SPMAP2L: variants seen among roughly 807,000 people sequenced by gnomAD.
The protein encoded by SPMAP2L is sperm microtubule associated protein 2 like, also known as sperm microtubule associated protein 2-like.
At chr4:56,617,889 C>T in the SPMAP2L span, among the ~76,000 whole-genome samples, 3 of 152,130 alleles carry the variant, frequency 2.0e-5, no homozygotes, top group East Asian at 1.9e-4. Context: ...CTGACTGCTC[C>T]GTCCAAATTC....
chr4:56,568,779 A>G, the SPMAP2L span, among the ~76,000 whole-genome samples: 2 of 152,232 alleles, frequency 1.3e-5, no homozygotes, highest in Non-Finnish European at 2.9e-5. Context: ...CTTCCCTAAA[A>G]GAAACATTAA....
chr4:56,579,494 G>T, the SPMAP2L span, among the ~76,000 whole-genome samples: 2 of 152,010 alleles, frequency 1.3e-5, no homozygotes, highest in Non-Finnish European at 2.9e-5. Context: ...AAAGGGCAGG[G>T]CATGGTGGTT....
the SPMAP2L span, among the ~76,000 whole-genome samples, chr4:56,551,693 C>A: frequency 6.6e-6 from 1 of 152,144 alleles, no homozygotes; most frequent in South Asian, 2.1e-4. Context: ...TAATATGAGT[C>A]ACCACAACAT....
At chr4:56,601,918 G>A in the SPMAP2L span, among the ~76,000 whole-genome samples, 1 of 152,114 alleles carries the variant, frequency 6.6e-6, no homozygotes. Flanking sequence ...AAAGACATGG[G>A]CCATATATTT....
chr4:56,553,430 T>C, the SPMAP2L span, among the ~76,000 whole-genome samples: 1 of 151,642 alleles, frequency 6.6e-6, no homozygotes, highest in East Asian at 1.9e-4. Flanking sequence ...TGTGCTTAAG[T>C]GATCCTCCCA....
At chr4:56,560,162 C>A in the SPMAP2L span, among the ~76,000 whole-genome samples, 18 of 152,072 alleles carry the variant, frequency 1.2e-4, no homozygotes, top group Admixed American at 1.2e-3. Context: ...TCTACAGAAG[C>A]CATTATTTTT....
the SPMAP2L span, chr4:56,530,642 G>C: frequency 6.6e-7 from 1 of 1,522,844 alleles, no homozygotes; most frequent in Non-Finnish European, 8.8e-7. Flanking sequence ...AGTCGGGAGG[G>C]TGAGTCCCGC....
chr4:56,547,843 CA>C, the SPMAP2L span, among the ~76,000 whole-genome samples: 3 of 151,984 alleles, frequency 2.0e-5, no homozygotes, highest in South Asian at 4.1e-4. Flanking sequence ...AACAAAAAAA[CA>C]AAAAAACCCA....
chr4:56,589,736 G>T, the SPMAP2L span, among the ~76,000 whole-genome samples: 1 of 147,830 alleles, frequency 6.8e-6, no homozygotes, highest in Non-Finnish European at 1.5e-5. Flanking sequence ...TTGTTTTTGT[G>T]TGTGGGGGGG....
the SPMAP2L span, among the ~76,000 whole-genome samples, chr4:56,581,394 A>G: frequency 6.8e-3 from 1,039 of 152,000 alleles, 14 homozygotes; most frequent in African/African-American, 0.024. Context: ...GGCAGAGGTT[A>G]CAGTGAACCG....
the SPMAP2L span, among the ~76,000 whole-genome samples, chr4:56,582,609 C>G: frequency 2.2e-3 from 342 of 152,210 alleles, no homozygotes; most frequent in African/African-American, 7.8e-3. Flanking sequence ...TTATACATTT[C>G]TGGTAGGAAT....
chr4:56,601,869 G>A, the SPMAP2L span, among the ~76,000 whole-genome samples: 3 of 152,206 alleles, frequency 2.0e-5, no homozygotes, highest in East Asian at 5.8e-4. Context: ...ACAGATTCTA[G>A]AACACAGCAT....
At chr4:56,574,038 A>G in the SPMAP2L span, among the ~76,000 whole-genome samples, 1 of 152,110 alleles carries the variant, frequency 6.6e-6, no homozygotes, top group Non-Finnish European at 1.5e-5. Flanking sequence ...TTGAGTTAAC[A>G]TTGGGTCTGG....
the SPMAP2L span, among the ~76,000 whole-genome samples, chr4:56,608,003 A>G: frequency 6.6e-6 from 1 of 151,624 alleles, no homozygotes. Flanking sequence ...AAGAAAAAAA[A>G]AAAAAAAAAA....
At chr4:56,573,950 G>A in the SPMAP2L span, among the ~76,000 whole-genome samples, 1 of 152,240 alleles carries the variant, frequency 6.6e-6, no homozygotes, top group African/African-American at 2.4e-5. Flanking sequence ...TGGGCAGAGA[G>A]AGGGATGCAG....
At chr4:56,578,153 G>T in the SPMAP2L span, among the ~76,000 whole-genome samples, 2 of 151,990 alleles carry the variant, frequency 1.3e-5, no homozygotes. Flanking sequence ...TGACATAAAA[G>T]ACAATTGCCT....
At chr4:56,615,179 G>A in the SPMAP2L span, among the ~76,000 whole-genome samples, 1 of 152,220 alleles carries the variant, frequency 6.6e-6, no homozygotes, top group African/African-American at 2.4e-5. Flanking sequence ...CCTCCTCAGC[G>A]TTGGTGCTTC....
chr4:56,548,914 T>C, the SPMAP2L span: 1 of 847,400 alleles, frequency 1.2e-6, no homozygotes, highest in Non-Finnish European at 1.6e-6. Flanking sequence ...TGGGTCTACC[T>C]TGGGGTTTTC....
the SPMAP2L span, among the ~76,000 whole-genome samples, chr4:56,535,329 G>T: frequency 5.9e-5 from 9 of 152,160 alleles, no homozygotes; most frequent in African/African-American, 2.2e-4. Context: ...CAGGCAGACA[G>T]CCCAGCGCCA....
Sources: allele counts gnomAD v4.1 joint callset (sites outside exome capture counted in the v4.1 genomes callset), GRCh38; gene constraint gnomAD v4.1.1; transcripts MANE v1.5; gene names NCBI Gene and HGNC (gene_info 2026-07-23, HGNC 2026-07-21).